Variants in UTRN observed in about 807,000 individuals in gnomAD.
UTRN encodes utrophin, also known as dystrophin-related protein 1.
A neutral mutation model predicts 463.9 loss-of-function variants in UTRN; 283 were observed. The ratio of observed to expected loss-of-function variants is 0.61; its 90% CI spans 0.55 to 0.67. The LOEUF is 0.67. Among genes scored for constraint, UTRN ranks in the 30% least tolerant of loss-of-function variants. The pLI is 0.00. For missense variants in UTRN, 3,922 were observed against 4,084.3 expected, an observed-to-expected ratio of 0.96 and a Z score of 1.08; for synonymous variants, 1,442 against 1,431.5, an observed-to-expected ratio of 1.01 and a Z score of -0.17.
intron 16 of UTRN, 27 bp downstream of exon 16, chr6:144,447,808 G>T (rs1235364340): frequency 2.6e-6 from 4 of 1,559,206 alleles, no homozygotes; most frequent in Non-Finnish European, 3.5e-6. Context: ...ATCATATGTT[G>T]TGCCATGAAG....
intron 54 of UTRN, among the ~76,000 whole-genome samples, chr6:144,743,297 T>C (rs1156703966): frequency 2.0e-5 from 3 of 152,210 alleles, no homozygotes; most frequent in Non-Finnish European, 2.9e-5. Flanking sequence ...AAAAACACCA[T>C]ACATATGGGA....
chr6:144,477,869 CTCTATCTATCTATCTA>C (rs34192951), intron 25 of UTRN, among the ~76,000 whole-genome samples: 3 of 148,790 alleles, frequency 2.0e-5, no homozygotes, highest in Admixed American at 6.7e-5. Flanking sequence ...AAGTTTGTAT[CTCTATCTATCTATCTA>C]TCTATCTATC....
chr6:144,297,584 C>T (rs1293933756), intron 2 of UTRN, among the ~76,000 whole-genome samples: 1 of 152,078 alleles, frequency 6.6e-6, no homozygotes, highest in Non-Finnish European at 1.5e-5. Context: ...TGAAGCTTTC[C>T]TTGGCTGGAA....
At chr6:144,577,070 G>C (rs749727755) in intron 50 of UTRN, 29 bp from the exon 51 acceptor site, 3 of 1,601,116 alleles carry the variant, frequency 1.9e-6, no homozygotes, top group Non-Finnish European at 2.6e-6. Flanking sequence ...GTAAGTAATG[G>C]AGCCGTGCTG....
chr6:144,344,104 A>C (rs973497171), intron 2 of UTRN: 24 of 1,158,804 alleles, frequency 2.1e-5, no homozygotes, highest in Non-Finnish European at 1.5e-5. Flanking sequence ...AAAAAAAAAA[A>C]AAAAAACCCA....
chr6:144,388,481 A>ATTATTTATTTATTTATTTATTTAT (rs57479570), intron 2 of UTRN, among the ~76,000 whole-genome samples: 81 of 143,972 alleles, frequency 5.6e-4, no homozygotes, highest in Middle Eastern at 3.5e-3. Flanking sequence ...CCTGGCTAAT[A>ATTATTTATTTATTTATTTATTTAT]TTATTTATTT....
chr6:144,562,264 T>C (rs1026301981), intron 50 of UTRN, among the ~76,000 whole-genome samples: 1 of 152,148 alleles, frequency 6.6e-6, no homozygotes, highest in Non-Finnish European at 1.5e-5. Context: ...GTTTATGACA[T>C]AGGTAAATGT....
At chr6:144,493,821 A>C (rs1793302257) in intron 33 of UTRN, among the ~76,000 whole-genome samples, 1 of 151,980 alleles carries the variant, frequency 6.6e-6, no homozygotes, top group African/African-American at 2.4e-5. Context: ...AATACAAATG[A>C]AAACCTCCAA....
At position 144,744,612 on chromosome 6, in the gene UTRN, CACACACACACACACACAT is replaced by C. The variant is rs532400733; in HGVS notation, c.7940-3616_7940-3599del. Among the ~76,000 whole-genome samples, 110 of 100,092 alleles carry C rather than the reference CACACACACACACACACAT, an allele frequency of 1.1e-3. No homozygotes were observed. The Middle Eastern group carries it at 0.015, about 13-fold the overall frequency. 65.7% of individuals were successfully genotyped at this position (100,092 alleles called of 152,430 possible). A position where few individuals can be genotyped will look rare whatever the true frequency, so the allele number is the denominator to read the frequency against. On this transcript the variant is annotated intron_variant, in intron 54 of 74. Transcript: ENST00000367545. Reference sequence around the variant, plus strand: ...TGGAGAGTGACAGGGCATACACACACACACACACACACACACATACACACACACACACACACACACTTT... The same window carrying C: ...TGGAGAGTGACAGGGCATACACACACACACACACACACACACACACACTTT...
At chr6:144,690,731 A>G (rs1783313726) in intron 52 of UTRN, among the ~76,000 whole-genome samples, 1 of 152,062 alleles carries the variant, frequency 6.6e-6, no homozygotes. Context: ...GTTCCTTCTC[A>G]TCTACTCCCC....
chr6:144,574,533 A>G (rs959665702), intron 50 of UTRN, among the ~76,000 whole-genome samples: 1 of 152,098 alleles, frequency 6.6e-6, no homozygotes, highest in Admixed American at 6.6e-5. Context: ...TAAGGCTGCT[A>G]TATACACTGG....
chr6:144,438,793 C>T lies in UTRN; in HGVS notation c.1290C>T (p.Leu430=). The change falls in exon 12 of 75, where the codon CTC becomes CTT. Residue 430 remains leucine (L), a synonymous_variant. Coordinates refer to ENST00000367545, the MANE Select transcript of UTRN (RefSeq NM_007124.3). ...MELQKKQLQQ[L]SAWLTLTEER... ...TGCAGAAGAAGCAACTGCAGCAGCTCTCCGCCTGGTTAACACTCACAGAGG... is the reference window on the plus strand; with the variant it reads ...TGCAGAAGAAGCAACTGCAGCAGCTTTCCGCCTGGTTAACACTCACAGAGG... 1 of 1,614,206 alleles carries T rather than the reference C, an allele frequency of 6.2e-7. No individual in the cohort carries two copies. Among genetic ancestry groups the T allele is most frequent in the Non-Finnish European group, 8.5e-7 (1 of 1,180,036 alleles).
chr6:144,675,050 C>A (rs1332353873), intron 51 of UTRN, among the ~76,000 whole-genome samples: 1 of 152,166 alleles, frequency 6.6e-6, no homozygotes, highest in Non-Finnish European at 1.5e-5. Flanking sequence ...ATTACCAGAA[C>A]TGCTTTTTTA....
chr6:144,797,186 G>T (rs920450379), intron 63 of UTRN, among the ~76,000 whole-genome samples: 1 of 137,634 alleles, frequency 7.3e-6, no homozygotes, highest in Admixed American at 8.2e-5. Context: ...TGTCTTAGAT[G>T]AAATTTTTTT....
At chr6:144,766,694 G>C (rs1793387661) in intron 58 of UTRN, among the ~76,000 whole-genome samples, 1 of 151,990 alleles carries the variant, frequency 6.6e-6, no homozygotes, top group Admixed American at 6.6e-5. Context: ...GGGACACGAG[G>C]AAGTAGATAT....
intron 33 of UTRN, among the ~76,000 whole-genome samples, chr6:144,496,990 G>A (rs1562487917): frequency 6.6e-6 from 1 of 152,182 alleles, no homozygotes; most frequent in Non-Finnish European, 1.5e-5. Flanking sequence ...ATGGTGCTAG[G>A]GAGATAGGAT....
chr6:144,473,975 A>G, intron 24 of UTRN, 142 bp downstream of exon 24: 1 of 577,406 alleles, frequency 1.7e-6, no homozygotes, highest in Non-Finnish European at 2.9e-6. Context: ...AGCTTTTATG[A>G]CTTTATAGCT....
chr6:144,339,346 T>C (rs770615738), intron 2 of UTRN, among the ~76,000 whole-genome samples: 5 of 152,174 alleles, frequency 3.3e-5, no homozygotes, highest in Non-Finnish European at 7.3e-5. Flanking sequence ...GCATCTTGAA[T>C]TTTTGAAGTA....
chr6:144,713,279 T>A (rs974055757), intron 53 of UTRN, among the ~76,000 whole-genome samples: 1 of 152,148 alleles, frequency 6.6e-6, no homozygotes, highest in African/African-American at 2.4e-5. Flanking sequence ...ATTAGCTGGA[T>A]GAAGGAATAC....
Sources: allele counts gnomAD v4.1 joint callset (sites outside exome capture counted in the v4.1 genomes callset), GRCh38; gene constraint gnomAD v4.1.1; transcripts MANE v1.5; gene names NCBI Gene and HGNC (gene_info 2026-07-23, HGNC 2026-07-21).